The following FRA10AC1 variants were observed in gnomAD, a reference collection of about 807,000 sequenced individuals.
FRA10AC1 encodes protein FRA10AC1.
In FRA10AC1, 43 loss-of-function variants were observed where a neutral mutation model predicts 56.5. The ratio of observed to expected loss-of-function variants is 0.76; its 90% CI spans 0.60 to 0.98. The LOEUF (loss-of-function observed/expected upper bound fraction) is 0.98, where lower values mean the gene tolerates loss of function less well. FRA10AC1 is among the 50% of genes least tolerant of loss of function. FRA10AC1 has a pLI of 0.00. For missense variants in FRA10AC1, 346 were observed against 351.8 expected, an observed-to-expected ratio of 0.98 and a Z score of 0.13; for synonymous variants, 112 against 110.5, an observed-to-expected ratio of 1.01 and a Z score of -0.09.
intron 5 of FRA10AC1, among the ~76,000 whole-genome samples, chr10:93,693,545 T>TAC (rs1197228434): frequency 4.6e-5 from 6 of 131,180 alleles, no homozygotes; most frequent in African/African-American, 1.2e-4. Context: ...TATATATATA[T>TAC]ATACACACAT....
At chr10:93,672,597 C>T (rs905338661) in intron 12 of FRA10AC1, 3 of 152,292 alleles carry the variant, frequency 2.0e-5, no homozygotes, top group Admixed American at 6.6e-5. Context: ...CAGCTGTTAT[C>T]TTGTTCCCTT....
chr10:93,702,576 GACTGGGCACCACTT>G lies in FRA10AC1; in HGVS notation c.-216_-203del, dbSNP rs2059363421. 1 of 225,654 alleles carries G rather than the reference GACTGGGCACCACTT, an allele frequency of 4.4e-6. No individual in the cohort carries two copies. Among genetic ancestry groups the G allele is most frequent in the Non-Finnish European group, 8.7e-6 (1 of 115,404 alleles). The allele number at this position is 225,654 out of a possible 1,614,324, so 14.0% of individuals were successfully genotyped here. On this transcript the variant is annotated 5_prime_UTR_variant, in exon 1 of 14. Transcript: ENST00000359204. ...CAACCCGCCTCTCCCTACGGGTCCC[GACTGGGCACCACTT>G]CCGGTCCGACACGGCCACGTGTTAC...
intron 11 of FRA10AC1, among the ~76,000 whole-genome samples, chr10:93,679,710 C>T (rs2058900627): frequency 6.6e-6 from 1 of 151,972 alleles, no homozygotes; most frequent in Non-Finnish European, 1.5e-5. Flanking sequence ...AGCCTAAAAA[C>T]AACAGGAAAT....
intron 12 of FRA10AC1, chr10:93,671,431 A>T (rs1428476894): frequency 6.5e-6 from 1 of 152,842 alleles, no homozygotes; most frequent in Non-Finnish European, 1.5e-5. Flanking sequence ...TCTGGAGAAA[A>T]ATCTGGCAAT....
chr10:93,679,934 G>C (rs1177384864), intron 11 of FRA10AC1, among the ~76,000 whole-genome samples: 1 of 152,182 alleles, frequency 6.6e-6, no homozygotes, highest in African/African-American at 2.4e-5. Context: ...AAAGTATCAA[G>C]GATAATCCCC....
At chr10:93,691,482 T>C (rs1252732812) in intron 7 of FRA10AC1, among the ~76,000 whole-genome samples, 1 of 152,062 alleles carries the variant, frequency 6.6e-6, no homozygotes, top group Non-Finnish European at 1.5e-5. Context: ...CAACCAAAAA[T>C]AAAAATATTA....
At chr10:93,690,206 A>G (rs978114142) in intron 7 of FRA10AC1, among the ~76,000 whole-genome samples, 113 of 152,236 alleles carry the variant, frequency 7.4e-4, no homozygotes, top group African/African-American at 2.7e-3. Flanking sequence ...CACCTCAAAC[A>G]TGGTATGCCA....
At chr10:93,688,068 T>A (rs1253459901) in intron 7 of FRA10AC1, 4 of 152,192 alleles carry the variant, frequency 2.6e-5, no homozygotes, top group Non-Finnish European at 4.4e-5. Flanking sequence ...TAAATATAGA[T>A]GTTTACAGCA....
At chr10:93,678,151 A>T (rs1228999616) in intron 11 of FRA10AC1, among the ~76,000 whole-genome samples, 1 of 152,216 alleles carries the variant, frequency 6.6e-6, no homozygotes, top group Non-Finnish European at 1.5e-5. Flanking sequence ...GAAGGGTGTC[A>T]GGAAGGGCCT....
At chr10:93,683,910 T>TC (rs2058978690) in intron 10 of FRA10AC1, 146 bp downstream of exon 10, 1 of 606,298 alleles carries the variant, frequency 1.6e-6, no homozygotes, top group Non-Finnish European at 3.0e-6. Context: ...CCCTCGTTTA[T>TC]GTAGCCATAC....
Position 93,681,566 on chromosome 10 carries a change from T to A in FRA10AC1, c.701A>T (p.Asp234Val). ...RKEIKSKKRK[D>V]KTKKDCEESS... Reference sequence around the variant, plus strand: ...CTCTTCACAGTCTTTTTTGGTTTTATCTTTTCTTTTTTTTGACTTGATTTC... The same window carrying A: ...CTCTTCACAGTCTTTTTTGGTTTTAACTTTTCTTTTTTTTGACTTGATTTC... Residue 234 changes from aspartate (D) to valine (V), a missense_variant, in exon 11 of 14, where the codon GAT (aspartate) becomes GTT (valine). Asp to Val is a radical substitution (Grantham distance 152). Coordinates refer to ENST00000359204, the MANE Select transcript of FRA10AC1 (RefSeq NM_145246.5). 6.4e-7 allele frequency: 1 copy of A among 1,559,198 alleles called. No individual in the cohort carries two copies. The highest frequency in any genetic ancestry group is 8.6e-7 in the Non-Finnish European group (1 of 1,156,988).
chr10:93,675,059 GGAGA>G (rs2133896250), intron 12 of FRA10AC1: 1 of 152,210 alleles, frequency 6.6e-6, no homozygotes, highest in Non-Finnish European at 1.5e-5. Context: ...GAATTTACGT[GGAGA>G]GAAAGAGTCA....
chr10:93,693,530 CCAT>C (rs1564820242), intron 5 of FRA10AC1, among the ~76,000 whole-genome samples: 220 of 10,278 alleles, frequency 0.021, 9 homozygotes, highest in African/African-American at 0.06. Flanking sequence ...TATATATACA[CCAT>C]ATATATATAT....
At chr10:93,680,877 G>A (rs1441084544) in intron 11 of FRA10AC1, among the ~76,000 whole-genome samples, 1 of 152,114 alleles carries the variant, frequency 6.6e-6, no homozygotes, top group African/African-American at 2.4e-5. Context: ...GCGAGCTTAA[G>A]GACTGCTAAA....
intron 8 of FRA10AC1, 33 bp from the exon 9 acceptor site, chr10:93,685,392 G>T: frequency 1.1e-6 from 1 of 946,516 alleles, no homozygotes; most frequent in Non-Finnish European, 1.7e-6. Context: ...AGCTATGGTA[G>T]TTGGTGATAA....
At chr10:93,698,085 A>AT (rs768960241) in intron 4 of FRA10AC1, 51 bp downstream of exon 4, 5 of 1,066,270 alleles carry the variant, frequency 4.7e-6, no homozygotes, top group Non-Finnish European at 6.7e-6. Context: ...AAAAAAGCAG[A>AT]TTTTAAAATA....
At chr10:93,669,924 A>T in intron 13 of FRA10AC1, 56 bp from the exon 14 acceptor site, 1 of 880,446 alleles carries the variant, frequency 1.1e-6, no homozygotes, top group South Asian at 1.5e-5. Context: ...TTACTACATG[A>T]TACATTATAT....
chr10:93,681,730 C>CTT (rs1216815665), intron 10 of FRA10AC1, 132 bp from the exon 11 acceptor site: 1 of 753,974 alleles, frequency 1.3e-6, no homozygotes, highest in South Asian at 3.0e-5. Flanking sequence ...TAATAAGGAA[C>CTT]GTTAAGTGAG....
intron 12 of FRA10AC1, chr10:93,672,169 T>C (rs906144780): frequency 1.5e-5 from 6 of 387,886 alleles, no homozygotes; most frequent in South Asian, 4.0e-5. Flanking sequence ...TAAAACAGCA[T>C]TGATTTGTTA....
Sources: gnomAD v4.1 joint callset for allele counts (sites outside exome capture counted in the v4.1 genomes callset) on GRCh38, gnomAD v4.1.1 for gene constraint, MANE v1.5 for transcripts, NCBI Gene and HGNC (gene_info 2026-07-23, HGNC 2026-07-21) for gene names.